Variants in TRIP11 observed in about 807,000 individuals in gnomAD.
The protein encoded by TRIP11 is thyroid hormone receptor interactor 11, also known as thyroid receptor-interacting protein 11.
Under a neutral mutation model 223.1 loss-of-function variants are expected in TRIP11, and 148 were observed. The observed-to-expected ratio is 0.66, with a 90% CI of 0.58 to 0.76. TRIP11 has a LOEUF of 0.76. Among genes scored for constraint, TRIP11 ranks in the 30% least tolerant of loss-of-function variants. TRIP11 has a pLI of 0.00. For missense variants in TRIP11, 2,043 were observed against 2,222.0 expected (o/e 0.92, Z 1.62); for synonymous variants, 762 against 772.6 (o/e 0.99, Z 0.23).
intron 7 of TRIP11, among the ~76,000 whole-genome samples, chr14:92,013,969 G>C (rs1468668375): frequency 6.6e-6 from 1 of 152,174 alleles, no homozygotes; most frequent in Non-Finnish European, 1.5e-5. Flanking sequence ...CCTAACTGGA[G>C]GATGTGGGCT....
intron 15 of TRIP11, among the ~76,000 whole-genome samples, chr14:91,990,084 G>A (rs752968337): frequency 6.6e-6 from 1 of 152,034 alleles, no homozygotes; most frequent in African/African-American, 2.4e-5. Flanking sequence ...TTGCATGTGT[G>A]TATCCATATA....
intron 9 of TRIP11, 38 bp downstream of exon 9, chr14:92,010,948 T>C (rs375110221): frequency 1.2e-5 from 19 of 1,588,078 alleles, no homozygotes; most frequent in African/African-American, 2.7e-5. Context: ...CTGTTACACA[T>C]ACCATTTTAA....
At position 91,978,444 on chromosome 14, in the gene TRIP11, T is replaced by C. The variant is rs2056495046; in HGVS notation, c.5261-2255A>G. Among the ~76,000 whole-genome samples the C allele has an allele frequency of 6.6e-6, 1 of 151,980 alleles. No homozygotes were observed. The highest frequency in any genetic ancestry group is 2.4e-5 in the African/African-American group (1 of 41,244). On this transcript the variant is annotated intron_variant, in intron 16 of 20. Coordinates refer to ENST00000267622, the MANE Select transcript of TRIP11 (RefSeq NM_004239.4). This position sits in a 1 kb window ranked among gnomAD's most constrained non-coding sequence, Gnocchi z 4.4. ...ACCTACTTTCCTCTAAAATTAGTAATTTGTATATTGATTACATGTCTATAT... is the reference window on the plus strand; with the variant it reads ...ACCTACTTTCCTCTAAAATTAGTAACTTGTATATTGATTACATGTCTATAT...
intron 11 of TRIP11, among the ~76,000 whole-genome samples, chr14:92,000,864 CTT>C (rs528664948): frequency 7.1e-5 from 10 of 141,598 alleles, no homozygotes; most frequent in Admixed American, 1.4e-4. Context: ...CTTTTTTTTT[CTT>C]TTTTTTTTTT....
chr14:92,011,105 A>T, intron 8 of TRIP11, 33 bp from the exon 9 acceptor site: 1 of 1,599,298 alleles, frequency 6.3e-7, no homozygotes, highest in South Asian at 1.1e-5. Flanking sequence ...TTTTCAGGTA[A>T]CAAGAAATTT....
intron 19 of TRIP11, 41 bp from the exon 20 acceptor site, chr14:91,972,902 A>G: frequency 6.6e-7 from 1 of 1,514,540 alleles, no homozygotes; most frequent in Non-Finnish European, 9.1e-7. Flanking sequence ...TAGATAATTA[A>G]GTTATATTCA....
intron 20 of TRIP11, among the ~76,000 whole-genome samples, chr14:91,972,309 C>A (rs1234905344): frequency 6.6e-6 from 1 of 152,060 alleles, no homozygotes; most frequent in East Asian, 1.9e-4. Flanking sequence ...AGGAGAAAAA[C>A]CCTTCTCAAA....
intron 2 of TRIP11, among the ~76,000 whole-genome samples, chr14:92,031,979 C>G: frequency 6.6e-6 from 1 of 152,066 alleles, no homozygotes; most frequent in Admixed American, 6.6e-5. Context: ...ACCACCACAC[C>G]TTGACTAATT....
chr14:91,984,217 T>C (rs2056577302), intron 16 of TRIP11, among the ~76,000 whole-genome samples: 1 of 152,208 alleles, frequency 6.6e-6, no homozygotes, highest in Non-Finnish European at 1.5e-5. Context: ...TCACTTTTCT[T>C]TGCACACCAT....
intron 3 of TRIP11, among the ~76,000 whole-genome samples, chr14:92,023,167 C>T (rs976783869): frequency 6.6e-6 from 1 of 152,164 alleles, no homozygotes; most frequent in Non-Finnish European, 1.5e-5. Context: ...TTAAGTAGAA[C>T]ATAAAATACC....
At position 92,005,821 on chromosome 14, in the gene TRIP11, C is replaced by T. The variant is rs759108605; in HGVS notation, c.2155G>A (p.Gly719Arg). The T allele has an allele frequency of 5.0e-6, 8 of 1,614,054 alleles. No homozygotes were observed. The Middle Eastern group carries it at 4.9e-4, about 100-fold the overall frequency. The change falls in exon 11 of 21, where the codon GGA becomes AGA. Residue 719 changes from glycine to arginine, a missense_variant. Coordinates refer to ENST00000267622, the MANE Select transcript of TRIP11 (RefSeq NM_004239.4). ...CAACACAATTCTGCCTCTATCTCTC[C>T]TTTTTCCATTTTTAGAGTCTCCACA... ...TIVETLKMEKGEIEAELCWAK... is the reference protein window; with the variant it reads ...TIVETLKMEKREIEAELCWAK...
intron 13 of TRIP11, 31 bp from the exon 14 acceptor site, chr14:91,995,546 CT>C: frequency 6.2e-7 from 1 of 1,612,572 alleles, no homozygotes; most frequent in Non-Finnish European, 8.5e-7. Flanking sequence ...AGTCAAACTG[CT>C]TCATCTATTT....
chr14:91,991,943 C>A lies in TRIP11; in HGVS notation c.5160+1866G>T, dbSNP rs149017966. ...ACTAAAAATACAAAAATTAGCCAGG[C>A]GTGATGGTGTGTGCCTGTAATCTCA... is the stretch of plus-strand genomic sequence containing the variant. On this transcript the variant is annotated intron_variant, in intron 15 of 20. Coordinates refer to ENST00000267622, the MANE Select transcript of TRIP11 (RefSeq NM_004239.4). Among the ~76,000 whole-genome samples the A allele has an allele frequency of 8.6e-5, 13 of 151,694 alleles. No homozygotes were observed. The East Asian group carries it at 2.5e-3, about 29-fold the overall frequency.
intron 2 of TRIP11, 88 bp from the exon 3 acceptor site, chr14:92,025,508 T>A (rs1300313820): frequency 1.2e-6 from 1 of 831,850 alleles, no homozygotes; most frequent in Non-Finnish European, 1.9e-6. Flanking sequence ...ACGTACTGCT[T>A]TCCCCCCCCA....
rs2057192927 is a variant in TRIP11, at chr14:92,026,731, G to A, written c.202-1311C>T. 2.9e-6 allele frequency: 3 copies of A among 1,045,106 alleles called. No homozygotes were observed. In the East Asian group the frequency reaches 7.2e-5, roughly 25 times the overall value. The allele number at this position is 1,045,106 out of a possible 1,614,324, so 64.7% of individuals were successfully genotyped here. On this transcript the variant is annotated intron_variant, in intron 2 of 20. Coordinates refer to ENST00000267622, the MANE Select transcript of TRIP11 (RefSeq NM_004239.4). The stretch of plus-strand genomic sequence containing the variant: ...AGTAGATGAAGAACAGGAAGAAGGT[G>A]GGGAGGAAGAGGAGGAGGAAGAAGA...
intron 16 of TRIP11, among the ~76,000 whole-genome samples, chr14:91,981,010 A>ATTTTTTTT (rs1444189118): frequency 2.5e-4 from 14 of 55,840 alleles, no homozygotes; most frequent in African/African-American, 8.1e-4. Context: ...ATATATATAT[A>ATTTTTTTT]TATTTTTTTT....
In TRIP11 at chr14:92,005,112, G is replaced by T. The variant is rs200045450; in HGVS notation, c.2864C>A (p.Thr955Asn). 3.6e-5 allele frequency: 58 copies of T among 1,613,474 alleles called. No individual in the cohort carries two copies. The highest frequency in any genetic ancestry group is 3.4e-6 in the Non-Finnish European group (4 of 1,180,034). The change falls in exon 11 of 21, where the codon ACC (threonine) becomes AAC (asparagine). Residue 955 changes from threonine (T) to asparagine (N), a missense_variant. By Grantham distance (65) the Thr-to-Asn change is moderately conservative (BLOSUM62 0). Transcript: ENST00000267622. ...YQHEQMNATH[T>N]QLFLEKDEEI... Reference sequence around the variant, plus strand: ...CTCATCCTTCTCTAAAAAGAGCTGGGTGTGTGTGGCGTTCATTTGCTCATG... The same window carrying T: ...CTCATCCTTCTCTAAAAAGAGCTGGTTGTGTGTGGCGTTCATTTGCTCATG...
In TRIP11 at chr14:92,010,839, C is replaced by T. The variant is rs2056963121; in HGVS notation, c.1314+147G>A. On this transcript the variant is annotated intron_variant, in intron 9 of 20. Transcript: ENST00000267622. ...TCTGAACTTTACCCAGGTACTTCCA[C>T]CTAGCCTGAAAAGCATCAGTGAGAT... 3.7e-6 allele frequency: 3 copies of T among 812,674 alleles called. No individual in the cohort carries two copies. In the East Asian group the frequency reaches 8.0e-5, roughly 22 times the overall value. The allele number at this position is 812,674 out of a possible 1,614,324, so 50.3% of individuals were successfully genotyped here. A position where few individuals can be genotyped will look rare whatever the true frequency, so the allele number is the denominator to read the frequency against.
In TRIP11 at chr14:92,039,791, G is replaced by C; in HGVS notation, c.-106C>G. On this transcript the variant is annotated 5_prime_UTR_variant, in exon 1 of 21. Transcript: ENST00000267622. ...CTTGAACGCCTGCCTTCGCGAGACA[G>C]GATACGATAACACAAAGCTGGGTTC... 6.5e-7 allele frequency: 1 copy of C among 1,549,202 alleles called. No homozygotes were observed. Among genetic ancestry groups the C allele is most frequent in the Non-Finnish European group, 8.7e-7 (1 of 1,146,532 alleles).
Sources: gnomAD v4.1 joint callset for allele counts (sites outside exome capture counted in the v4.1 genomes callset) on GRCh38, gnomAD v4.1.1 for gene constraint, Gnocchi (gnomAD v3.1) non-coding constraint, MANE v1.5 for transcripts, NCBI Gene and HGNC (gene_info 2026-07-23, HGNC 2026-07-21) for gene names.